CFAP299: variants seen among roughly 807,000 people sequenced by gnomAD.
CFAP299 encodes the protein cilia- and flagella-associated protein 299.
CFAP299 carries 21 observed loss-of-function variants against 27.0 expected under a neutral mutation model. The observed-to-expected ratio is 0.78, with a 90% CI of 0.55 to 1.12. CFAP299 has a LOEUF of 1.12. Among genes scored for constraint, CFAP299 ranks in the 50% most tolerant of loss-of-function variants. The pLI is 0.00. For missense variants in CFAP299, 310 were observed against 276.6 expected (o/e 1.12, Z -0.86); for synonymous variants, 104 against 98.1 (o/e 1.06, Z -0.36).
At chr4:80,498,324 A>G (rs1443403394) in intron 2 of CFAP299, among the ~76,000 whole-genome samples, 1 of 152,122 alleles carries the variant, frequency 6.6e-6, no homozygotes, top group East Asian at 1.9e-4. Context: ...TGCAGGAGGT[A>G]AGAAAATATC....
At chr4:80,953,813 A>G (rs184191366) in intron 5 of CFAP299, among the ~76,000 whole-genome samples, 199 of 152,294 alleles carry the variant, frequency 1.3e-3, no homozygotes, top group African/African-American at 4.6e-3. Flanking sequence ...GAGAGTATAA[A>G]TGATAAGCCT....
chr4:80,943,538 G>C (rs1214527216), intron 4 of CFAP299, among the ~76,000 whole-genome samples: 1 of 151,938 alleles, frequency 6.6e-6, no homozygotes, highest in Non-Finnish European at 1.5e-5. Context: ...GAGGCACCCT[G>C]GTTTGTGTTA....
chr4:80,716,093 A>G (rs1469049532), intron 3 of CFAP299, among the ~76,000 whole-genome samples: 1 of 152,082 alleles, frequency 6.6e-6, no homozygotes, highest in Non-Finnish European at 1.5e-5. Context: ...TAAAAGCTAT[A>G]AACCCACAAA....
At chr4:80,386,322 C>T (rs1724986286) in intron 2 of CFAP299, 2 of 1,341,294 alleles carry the variant, frequency 1.5e-6, no homozygotes, top group Non-Finnish European at 2.1e-6. Flanking sequence ...GCCCACCGCA[C>T]CACCCACGAC....
chr4:80,429,779 A>G (rs550743823), intron 2 of CFAP299, among the ~76,000 whole-genome samples: 10 of 152,214 alleles, frequency 6.6e-5, no homozygotes, highest in East Asian at 5.8e-4. Flanking sequence ...CTTTTAATAG[A>G]GTGAAATGTT....
chr4:80,846,302 C>T (rs565120727), intron 3 of CFAP299, among the ~76,000 whole-genome samples: 1 of 152,258 alleles, frequency 6.6e-6, no homozygotes, highest in Non-Finnish European at 1.5e-5. Flanking sequence ...GGAGAGGAAG[C>T]TCATTCCATG....
chr4:80,329,518 A>G, the CFAP299 span, among the ~76,000 whole-genome samples: 183 of 152,256 alleles, frequency 1.2e-3, no homozygotes, highest in African/African-American at 4.1e-3. Context: ...TTTTGTTTCA[A>G]TAAGTGAGAT....
intron 3 of CFAP299, among the ~76,000 whole-genome samples, chr4:80,753,281 A>G (rs575636242): frequency 3.8e-4 from 57 of 151,436 alleles, no homozygotes; most frequent in Non-Finnish European, 5.0e-4. Flanking sequence ...GATTGACATA[A>G]TTTTTTTTCT....
chr4:80,639,514 A>G (rs1739618301), intron 3 of CFAP299, among the ~76,000 whole-genome samples: 1 of 152,206 alleles, frequency 6.6e-6, no homozygotes, highest in Non-Finnish European at 1.5e-5. Context: ...GTTTTAAGAC[A>G]GTGACAGAAA....
In CFAP299 at chr4:80,659,610, T is replaced by G. The variant is rs187006835; in HGVS notation, c.333+76427T>G. 3.3e-5 allele frequency among the ~76,000 whole-genome samples: 5 copies of G among 151,944 alleles called. No homozygotes were observed. The East Asian group carries it at 9.7e-4, about 29-fold the overall frequency. On this transcript the variant is annotated intron_variant, in intron 3 of 5. Transcript: ENST00000358105. Reference sequence around the variant, plus strand: ...AGAGATCATGTATAACTCACTATAGTGGGAAAAAAACAGTTTGTTAATATC... The same window carrying G: ...AGAGATCATGTATAACTCACTATAGGGGGAAAAAAACAGTTTGTTAATATC...
chr4:80,868,238 TTATTATTTTTTCTTTATCTTTGAC>T (rs1424101829), intron 3 of CFAP299, among the ~76,000 whole-genome samples: 84 of 117,140 alleles, frequency 7.2e-4, no homozygotes, highest in Non-Finnish European at 9.7e-4. Flanking sequence ...CTTTCTTTGA[TTATTATTTTTTCTTTATCTTTGAC>T]TTGACAGCTA....
chr4:80,834,840 A>G (rs1730477450), intron 3 of CFAP299, among the ~76,000 whole-genome samples: 1 of 152,154 alleles, frequency 6.6e-6, no homozygotes, highest in Non-Finnish European at 1.5e-5. Context: ...ACCGCTGGAC[A>G]ATGGCCAGCC....
At chr4:80,684,683 TG>T (rs199810939) in intron 3 of CFAP299, among the ~76,000 whole-genome samples, 5 of 151,176 alleles carry the variant, frequency 3.3e-5, no homozygotes, top group African/African-American at 1.2e-4. Context: ...ATCTTTTTTT[TG>T]TTGTTGTTGT....
intron 2 of CFAP299, among the ~76,000 whole-genome samples, chr4:80,366,409 A>T (rs778830139): frequency 2.0e-5 from 3 of 152,196 alleles, no homozygotes; most frequent in African/African-American, 2.4e-5. Context: ...AAAGTTAAAG[A>T]TATCAGGAAG....
chr4:80,805,688 T>TA (rs943314935), intron 3 of CFAP299, among the ~76,000 whole-genome samples: 12 of 151,366 alleles, frequency 7.9e-5, no homozygotes, highest in Non-Finnish European at 1.2e-4. Flanking sequence ...CTACAAAAAG[T>TA]AAAAAAATAA....
intron 2 of CFAP299, among the ~76,000 whole-genome samples, chr4:80,448,406 T>C (rs1031710687): frequency 6.6e-6 from 1 of 152,208 alleles, no homozygotes; most frequent in African/African-American, 2.4e-5. Context: ...TTAAAATTAA[T>C]TATATGGTTA....
At chr4:80,623,328 A>C (rs2109934614) in intron 3 of CFAP299, among the ~76,000 whole-genome samples, 1 of 152,320 alleles carries the variant, frequency 6.6e-6, no homozygotes, top group Middle Eastern at 3.4e-3. Flanking sequence ...AATATTAGGG[A>C]ATAGTCTAAT....
At chr4:80,487,322 A>G (rs1289086141) in intron 2 of CFAP299, among the ~76,000 whole-genome samples, 1 of 152,172 alleles carries the variant, frequency 6.6e-6, no homozygotes. Context: ...CTCAGCAGGT[A>G]TTTTAATTCT....
intron 2 of CFAP299, 98 bp downstream of exon 2, chr4:80,362,982 G>A (rs1560530658): frequency 7.5e-7 from 1 of 1,338,858 alleles, no homozygotes; most frequent in Non-Finnish European, 9.9e-7. Context: ...AGCACTGGGT[G>A]GAGCAGGTAA....
Sources: allele counts gnomAD v4.1 joint callset (sites outside exome capture counted in the v4.1 genomes callset), GRCh38; gene constraint gnomAD v4.1.1; transcripts MANE v1.5; gene names NCBI Gene and HGNC (gene_info 2026-07-23, HGNC 2026-07-21).